Variants in ZFPM2 observed in about 807,000 individuals in gnomAD.
ZFPM2 encodes the protein zinc finger protein ZFPM2.
In ZFPM2, 20 loss-of-function variants were observed where a neutral mutation model predicts 98.6. The ratio of observed to expected loss-of-function variants is 0.20; its 90% CI spans 0.14 to 0.29. ZFPM2 has a LOEUF of 0.29. Among genes scored for constraint, ZFPM2 ranks in the 10% least tolerant of loss-of-function variants. The pLI is 1.00. For missense variants in ZFPM2, 1,310 were observed against 1,388.6 expected, an observed-to-expected ratio of 0.94 and a Z score of 0.90; for synonymous variants, 518 against 502.7, an observed-to-expected ratio of 1.03 and a Z score of -0.41.
chr8:105,454,573 C>A, intron 3 of ZFPM2, among the ~76,000 whole-genome samples: 1 of 152,144 alleles, frequency 6.6e-6, no homozygotes, highest in East Asian at 1.9e-4. Flanking sequence ...TCAGCCTGAT[C>A]CGATGTTTGT....
chr8:105,746,834 GTGCCAGATACCACCTGAAGACATTCTCAA>G (rs1164463295), intron 5 of ZFPM2, among the ~76,000 whole-genome samples: 6 of 151,814 alleles, frequency 4.0e-5, no homozygotes, highest in African/African-American at 1.5e-4. Flanking sequence ...CTTGTTGCAG[GTGCCAGATACCACCTGAAGACATTCTCAA>G]TTTGCCCTGC....
intron 5 of ZFPM2, among the ~76,000 whole-genome samples, chr8:105,742,569 G>A (rs1812244591): frequency 6.6e-6 from 1 of 151,798 alleles, no homozygotes; most frequent in African/African-American, 2.4e-5. Flanking sequence ...TTCCTTGGCT[G>A]AGAAGAGGTC....
At chr8:105,398,286 C>G (rs542359744) in intron 1 of ZFPM2, among the ~76,000 whole-genome samples, 2 of 152,262 alleles carry the variant, frequency 1.3e-5, no homozygotes, top group African/African-American at 4.8e-5. Flanking sequence ...CTGTGTCCAT[C>G]AGCATTCCTC....
intron 4 of ZFPM2, among the ~76,000 whole-genome samples, chr8:105,565,148 A>T (rs570060673): frequency 6.6e-6 from 1 of 152,106 alleles, no homozygotes; most frequent in South Asian, 2.1e-4. Context: ...AATCCTTTTT[A>T]TATCTTTCAA....
At chr8:105,727,690 G>A (rs1300329303) in intron 5 of ZFPM2, among the ~76,000 whole-genome samples, 1 of 151,572 alleles carries the variant, frequency 6.6e-6, no homozygotes, top group Non-Finnish European at 1.5e-5. Context: ...GTGGCTTTTA[G>A]GTGAAAAGAG....
intron 1 of ZFPM2, among the ~76,000 whole-genome samples, chr8:105,351,085 AG>A (rs1812633099): frequency 6.6e-6 from 1 of 151,308 alleles, no homozygotes; most frequent in Non-Finnish European, 1.5e-5. Context: ...GGGGGGGCTG[AG>A]GCAGGAGAAT....
In ZFPM2 at chr8:105,511,596, T is replaced by C. The variant is rs542273212; in HGVS notation, c.302-49767T>C. Among the ~76,000 whole-genome samples the C allele has an allele frequency of 5.9e-5, 9 of 152,338 alleles. No individual in the cohort carries two copies. The East Asian group carries it at 1.5e-3, about 26-fold the overall frequency. The stretch of plus-strand genomic sequence containing the variant: ...TAGACACTTTCTGAACTCATCACAT[T>C]GCTGATCCAATATTAACATTTTTTT... On this transcript the variant is annotated intron_variant, in intron 3 of 7. Transcript: ENST00000407775.
At chr8:105,726,003 C>T (rs1020037872) in intron 5 of ZFPM2, among the ~76,000 whole-genome samples, 4 of 151,610 alleles carry the variant, frequency 2.6e-5, no homozygotes, top group African/African-American at 9.7e-5. Context: ...CTTGTGGAAG[C>T]AGTCTATAGG....
At chr8:105,677,359 T>C (rs1032183403) in intron 5 of ZFPM2, among the ~76,000 whole-genome samples, 16 of 152,098 alleles carry the variant, frequency 1.1e-4, no homozygotes, top group Admixed American at 9.2e-4. Context: ...CAAAGAGGTT[T>C]AGTAAATTGC....
intron 2 of ZFPM2, among the ~76,000 whole-genome samples, chr8:105,434,776 A>C (rs1405110343): frequency 6.6e-6 from 1 of 152,180 alleles, no homozygotes; most frequent in African/African-American, 2.4e-5. Flanking sequence ...ATTGTACAAG[A>C]ATTTCTATAA....
intron 1 of ZFPM2, among the ~76,000 whole-genome samples, chr8:105,360,895 C>T (rs1252609010): frequency 7.1e-6 from 1 of 140,490 alleles, no homozygotes; most frequent in Non-Finnish European, 1.5e-5. Flanking sequence ...TGGGTTGGTT[C>T]CAAGTCTTTG....
chr8:105,748,918 A>G (rs1812412781), intron 5 of ZFPM2, among the ~76,000 whole-genome samples: 1 of 152,060 alleles, frequency 6.6e-6, no homozygotes, highest in Non-Finnish European at 1.5e-5. Flanking sequence ...GGATGAACCT[A>G]TATTTTCCTA....
At chr8:105,694,130 G>A (rs1207276052) in intron 5 of ZFPM2, among the ~76,000 whole-genome samples, 2 of 151,326 alleles carry the variant, frequency 1.3e-5, no homozygotes, top group Non-Finnish European at 2.9e-5. Context: ...AGGACTACAG[G>A]CGCCTGTCAC....
intron 5 of ZFPM2, among the ~76,000 whole-genome samples, chr8:105,756,164 T>G (rs1586242081): frequency 6.6e-6 from 1 of 152,326 alleles, no homozygotes; most frequent in African/African-American, 2.4e-5. Context: ...TTGCAACATC[T>G]TGGCTTTGGT....
chr8:105,525,849 T>TA (rs1456661651), intron 3 of ZFPM2, among the ~76,000 whole-genome samples: 3 of 152,156 alleles, frequency 2.0e-5, no homozygotes, highest in Admixed American at 6.6e-5. Flanking sequence ...CCACAGCAAT[T>TA]AAAATAAAGC....
rs542841772 is a variant in ZFPM2 at position 105,409,736 on chromosome 8, A to G, written c.41-9408A>G. On this transcript the variant is annotated intron_variant, in intron 1 of 7. Coordinates refer to ENST00000407775, the MANE Select transcript of ZFPM2 (RefSeq NM_012082.4). The stretch of plus-strand genomic sequence containing the variant: ...CAGTTGTTCTCAAACTTGAGCATAC[A>G]TCAGAATCACCTACAGGATTTGTTA... 3.9e-5 allele frequency among the ~76,000 whole-genome samples: 6 copies of G among 152,092 alleles called. No homozygotes were observed. In the South Asian group the frequency reaches 1.2e-3, roughly 31 times the overall value.
At chr8:105,761,938 A>G (rs1812742293) in intron 5 of ZFPM2, among the ~76,000 whole-genome samples, 1 of 151,950 alleles carries the variant, frequency 6.6e-6, no homozygotes, top group South Asian at 2.1e-4. Context: ...ATGCTTTAGG[A>G]AAAGCATTTA....
chr8:105,655,520 C>T (rs1261784900), intron 5 of ZFPM2, among the ~76,000 whole-genome samples: 1 of 152,132 alleles, frequency 6.6e-6, no homozygotes, highest in East Asian at 1.9e-4. Flanking sequence ...CATCAGCCAC[C>T]ACCCCCAGCC....
chr8:105,429,992 G>A (rs1429340551), intron 2 of ZFPM2, among the ~76,000 whole-genome samples: 2 of 152,148 alleles, frequency 1.3e-5, no homozygotes, highest in Non-Finnish European at 2.9e-5. Flanking sequence ...GTTCAAAACA[G>A]TGTGGGACAA....
Sources: gnomAD v4.1 joint callset for allele counts (sites outside exome capture counted in the v4.1 genomes callset) on GRCh38, gnomAD v4.1.1 for gene constraint, MANE v1.5 for transcripts, NCBI Gene and HGNC (gene_info 2026-07-23, HGNC 2026-07-21) for gene names.